SOX6: variants seen among roughly 807,000 people sequenced by gnomAD.
The protein encoded by SOX6 is SRY-box transcription factor 6, also known as transcription factor SOX-6.
SOX6 carries 11 observed loss-of-function variants against 97.8 expected under a neutral mutation model. The ratio of observed to expected loss-of-function variants is 0.11; its 90% CI spans 0.07 to 0.19. The LOEUF (loss-of-function observed/expected upper bound fraction) is 0.19. Among genes scored for constraint, SOX6 ranks in the 10% least tolerant of loss-of-function variants. SOX6 has a pLI of 1.00. For missense variants in SOX6, 810 were observed against 1,039.5 expected (o/e 0.78, Z 3.04); for synonymous variants, 360 against 371.4 (o/e 0.97, Z 0.35).
intron 4 of SOX6, among the ~76,000 whole-genome samples, chr11:16,574,606 C>T (rs760528458): frequency 1.3e-5 from 2 of 151,858 alleles, no homozygotes; most frequent in African/African-American, 4.8e-5. Context: ...AATAACTATA[C>T]AACAATATTA....
intron 6 of SOX6, among the ~76,000 whole-genome samples, chr11:16,179,903 A>G (rs1246033198): frequency 6.6e-6 from 1 of 151,896 alleles, no homozygotes; most frequent in Non-Finnish European, 1.5e-5. Flanking sequence ...TAATTGGATA[A>G]TACTATTCAT....
Position 16,388,242 on chromosome 11 carries a change from A to C in SOX6, c.-4-46990T>G, listed in dbSNP as rs143671612. Among the ~76,000 whole-genome samples, 712 of 152,254 alleles carry C rather than the reference A, an allele frequency of 4.7e-3. 9 individuals carry two copies. The highest frequency in any genetic ancestry group is 0.016 in the African/African-American group (673 of 41,556). On this transcript the variant is annotated intron_variant, in intron 1 of 15. Coordinates refer to the SOX6 transcript ENST00000396356. ...ATACAGTGACATTTTCCAAATGTTA[A>C]ACCAATCTTGTATTTCTGGACTAAA...
At chr11:16,425,555 A>T (rs1169700187) in intron 1 of SOX6, among the ~76,000 whole-genome samples, 1 of 152,186 alleles carries the variant, frequency 6.6e-6, no homozygotes, top group African/African-American at 2.4e-5. Context: ...ATGATCCTAC[A>T]TCTAGAAAAA....
At chr11:16,270,856 G>C (rs1468335762) in intron 3 of SOX6, among the ~76,000 whole-genome samples, 2 of 151,300 alleles carry the variant, frequency 1.3e-5, no homozygotes, top group East Asian at 3.9e-4. Flanking sequence ...AGGTTACCAG[G>C]GAGTTTCAGG....
intron 4 of SOX6, among the ~76,000 whole-genome samples, chr11:16,215,535 C>G (rs1162799965): frequency 6.6e-6 from 1 of 152,140 alleles, no homozygotes; most frequent in Non-Finnish European, 1.5e-5. Context: ...TAATTACTCT[C>G]ATGACTTATC....
chr11:16,362,847 G>T (rs762534624), intron 1 of SOX6, among the ~76,000 whole-genome samples: 20 of 152,136 alleles, frequency 1.3e-4, no homozygotes, highest in Non-Finnish European at 2.5e-4. Flanking sequence ...TGCAAGGAAT[G>T]ACAAGTCAGA....
At chr11:16,578,054 T>C (rs1265921598) in intron 4 of SOX6, among the ~76,000 whole-genome samples, 1 of 152,178 alleles carries the variant, frequency 6.6e-6, no homozygotes, top group East Asian at 1.9e-4. Context: ...GTTTTATCTC[T>C]CATATGTAGG....
intron 3 of SOX6, among the ~76,000 whole-genome samples, chr11:16,265,508 A>G (rs903207465): frequency 6.6e-6 from 1 of 151,848 alleles, no homozygotes; most frequent in African/African-American, 2.4e-5. Flanking sequence ...ATTTATAGGA[A>G]TATCCAACAA....
intron 4 of SOX6, among the ~76,000 whole-genome samples, chr11:16,192,369 G>T (rs1287724217): frequency 6.6e-6 from 1 of 151,886 alleles, no homozygotes; most frequent in African/African-American, 2.4e-5. Flanking sequence ...TTATTCCAGT[G>T]ACTTCAGATT....
At chr11:16,533,268 C>A (rs1275679842) in intron 4 of SOX6, among the ~76,000 whole-genome samples, 1 of 151,812 alleles carries the variant, frequency 6.6e-6, no homozygotes, top group Non-Finnish European at 1.5e-5. Context: ...ATGAATATAT[C>A]TTTAATATTT....
At chr11:15,996,494 C>T (rs983034164) in intron 13 of SOX6, among the ~76,000 whole-genome samples, 17 of 151,512 alleles carry the variant, frequency 1.1e-4, no homozygotes, top group Non-Finnish European at 2.1e-4. Context: ...CTAGGTGTGG[C>T]GGCATGCACC....
At chr11:16,148,614 G>A (rs960949900) in intron 6 of SOX6, among the ~76,000 whole-genome samples, 14 of 152,096 alleles carry the variant, frequency 9.2e-5, no homozygotes, top group Admixed American at 5.9e-4. Flanking sequence ...TTTTCCTGCC[G>A]TAGGCTGAAT....
chr11:16,300,240 A>C lies in SOX6; in HGVS notation c.445+18206T>G, dbSNP rs1855218647. Among the ~76,000 whole-genome samples the C allele has an allele frequency of 6.6e-6, 1 of 152,154 alleles. No homozygotes were observed. Among genetic ancestry groups the C allele is most frequent in the Admixed American group, 6.6e-5 (1 of 15,266 alleles). The stretch of plus-strand genomic sequence containing the variant: ...GGCATGATAAGTTTCTAAACCAAAT[A>C]CTGAGCTGAGCAGGGATTAAAAAAA... On this transcript the variant is annotated intron_variant, in intron 3 of 15. Coordinates refer to ENST00000683767, the MANE Select transcript of SOX6 (RefSeq NM_001367873.1). This position sits in a 1 kb window ranked among gnomAD's most constrained non-coding sequence, Gnocchi z 4.1.
intron 6 of SOX6, among the ~76,000 whole-genome samples, chr11:16,138,362 T>C (rs1323025523): frequency 6.6e-6 from 1 of 152,104 alleles, no homozygotes; most frequent in Non-Finnish European, 1.5e-5. Flanking sequence ...ATTCAAAAAA[T>C]CAAGTGATTC....
At chr11:16,677,857 T>C (rs147548377) in intron 3 of SOX6, among the ~76,000 whole-genome samples, 1 of 152,314 alleles carries the variant, frequency 6.6e-6, no homozygotes, top group East Asian at 1.9e-4. Context: ...AGATTTTGAC[T>C]TACAAAACCA....
intron 1 of SOX6, among the ~76,000 whole-genome samples, chr11:16,422,551 T>C (rs1468528134): frequency 1.3e-5 from 2 of 152,124 alleles, no homozygotes; most frequent in Non-Finnish European, 2.9e-5. Context: ...TTGAGAATAA[T>C]GGGAATAAAA....
chr11:16,190,067 C>G (rs972191520), intron 4 of SOX6, among the ~76,000 whole-genome samples: 2 of 152,082 alleles, frequency 1.3e-5, no homozygotes, highest in Admixed American at 6.6e-5. Flanking sequence ...CTCTTCTGTT[C>G]ACAGTGAAGC....
chr11:16,367,323 A>G (rs1222544232), intron 1 of SOX6, among the ~76,000 whole-genome samples: 2 of 152,172 alleles, frequency 1.3e-5, no homozygotes, highest in Non-Finnish European at 2.9e-5. Flanking sequence ...TCAGAAAAAC[A>G]AGAGCAGAGG....
chr11:16,475,412 T>A (rs552011566), intron 1 of SOX6, among the ~76,000 whole-genome samples: 71 of 152,302 alleles, frequency 4.7e-4, no homozygotes, highest in African/African-American at 1.7e-3. Flanking sequence ...CTGCTCTTCC[T>A]TTCATTTGAA....
Sources: allele counts gnomAD v4.1 joint callset (sites outside exome capture counted in the v4.1 genomes callset), GRCh38; gene constraint gnomAD v4.1.1; non-coding constraint Gnocchi (gnomAD v3.1); transcripts MANE v1.5; gene names NCBI Gene and HGNC (gene_info 2026-07-23, HGNC 2026-07-21).